ASIC2: variants seen among roughly 807,000 people sequenced by gnomAD.
The protein encoded by ASIC2 is acid sensing ion channel subunit 2, also known as acid-sensing ion channel 2.
Under a neutral mutation model 57.3 loss-of-function variants are expected in ASIC2, and 25 were observed. The ratio of observed to expected loss-of-function variants is 0.44; its 90% CI spans 0.32 to 0.61. The LOEUF (loss-of-function observed/expected upper bound fraction) is 0.61. Among genes scored for constraint, ASIC2 ranks in the 20% least tolerant of loss-of-function variants. The pLI, the probability that ASIC2 is intolerant of heterozygous loss-of-function variation, is 0.06. For synonymous variants in ASIC2, 319 were observed against 307.5 expected (o/e 1.04, Z -0.39); for missense variants, 641 against 738.1 (o/e 0.87, Z 1.52).
chr17:33,956,125 G>GA (rs896573124), intron 1 of ASIC2, among the ~76,000 whole-genome samples: 3 of 152,036 alleles, frequency 2.0e-5, no homozygotes, highest in Admixed American at 1.3e-4. Context: ...CTAATGAATT[G>GA]AAAAAAATGA....
chr17:33,990,385 G>T (rs1027125858), intron 1 of ASIC2, among the ~76,000 whole-genome samples: 1 of 152,210 alleles, frequency 6.6e-6, no homozygotes, highest in Non-Finnish European at 1.5e-5. Context: ...ATATTCATCA[G>T]GCAATTGGGA....
intron 1 of ASIC2, among the ~76,000 whole-genome samples, chr17:33,253,350 C>T (rs570157058): frequency 1.3e-5 from 2 of 152,220 alleles, no homozygotes; most frequent in Admixed American, 1.3e-4. Context: ...TGTACACAAA[C>T]ACAATCATGT....
At chr17:33,852,244 A>G (rs1913788955) in intron 1 of ASIC2, among the ~76,000 whole-genome samples, 1 of 152,260 alleles carries the variant, frequency 6.6e-6, no homozygotes, top group Non-Finnish European at 1.5e-5. Flanking sequence ...TTACCAAAGC[A>G]GTTCACTCCT....
Position 33,950,781 on chromosome 17 carries a change from G to A in ASIC2, c.555+205197C>T, listed in dbSNP as rs571545451. ...CTGGGGAATCTGCAAGGGCTGGGGTGCTGGGTGGTCCTGAAGGCAGCTCCA... is the reference window on the plus strand; with the variant it reads ...CTGGGGAATCTGCAAGGGCTGGGGTACTGGGTGGTCCTGAAGGCAGCTCCA... On this transcript the variant is annotated intron_variant, in intron 1 of 9. Coordinates refer to the ASIC2 transcript ENST00000359872. 2.0e-5 allele frequency among the ~76,000 whole-genome samples: 3 copies of A among 152,368 alleles called. No individual in the cohort carries two copies. The South Asian group carries it at 6.2e-4, about 32-fold the overall frequency.
In ASIC2 at chr17:33,464,475, C is replaced by T. The variant is rs1261875185; in HGVS notation, c.556-352408G>A. On this transcript the variant is annotated intron_variant, in intron 1 of 9. Coordinates refer to the ASIC2 transcript ENST00000359872. Reference sequence around the variant, plus strand: ...TCTTTTTCTCTTTCTTTCTTTCTTTCTTTTCTCTCTTTCTTTCTTTCTTTC... The same window carrying T: ...TCTTTTTCTCTTTCTTTCTTTCTTTTTTTTCTCTCTTTCTTTCTTTCTTTC... Among the ~76,000 whole-genome samples the T allele has an allele frequency of 2.6e-4, 19 of 73,998 alleles. No homozygotes were observed. The East Asian group carries it at 3.4e-3, about 13-fold the overall frequency. The allele number at this position is 73,998 out of a possible 152,430, so 48.5% of individuals were successfully genotyped here.
intron 1 of ASIC2, among the ~76,000 whole-genome samples, chr17:34,131,839 T>G (rs1911977360): frequency 6.6e-6 from 1 of 152,228 alleles, no homozygotes. Flanking sequence ...TCTGAGAATC[T>G]GGATCCCAGC....
At chr17:33,354,524 C>T (rs2142252942) in intron 1 of ASIC2, among the ~76,000 whole-genome samples, 1 of 152,268 alleles carries the variant, frequency 6.6e-6, no homozygotes, top group Non-Finnish European at 1.5e-5. Flanking sequence ...GTCTATTCCA[C>T]CAGCTCTCCC....
At chr17:33,172,796 C>T (rs1567772525) in intron 1 of ASIC2, among the ~76,000 whole-genome samples, 1 of 152,228 alleles carries the variant, frequency 6.6e-6, no homozygotes, top group Admixed American at 6.5e-5. Flanking sequence ...ATTCTCAGGG[C>T]TTACTCTGGT....
chr17:33,144,646 G>T (rs562604542), intron 1 of ASIC2, among the ~76,000 whole-genome samples: 137 of 152,298 alleles, frequency 9.0e-4, no homozygotes, highest in Middle Eastern at 6.8e-3. Flanking sequence ...GGTGACCGAT[G>T]CATAATTCCA....
At chr17:33,419,118 A>G (rs534296171) in intron 1 of ASIC2, among the ~76,000 whole-genome samples, 2 of 152,334 alleles carry the variant, frequency 1.3e-5, no homozygotes, top group South Asian at 4.1e-4. Context: ...AAAGAATCAG[A>G]GACATCAGAG....
chr17:33,890,545 G>A (rs7212009), intron 1 of ASIC2, among the ~76,000 whole-genome samples: 25,866 of 152,198 alleles, frequency 0.17, 2,334 homozygotes, highest in African/African-American at 0.23. Flanking sequence ...GAGGCCCAGT[G>A]AAGGACTTGT....
chr17:33,871,749 G>A (rs903986704), intron 1 of ASIC2, among the ~76,000 whole-genome samples: 2 of 152,170 alleles, frequency 1.3e-5, no homozygotes, highest in Admixed American at 6.5e-5. Context: ...CGGAAAGAGG[G>A]AGGCTGATGA....
intron 1 of ASIC2, among the ~76,000 whole-genome samples, chr17:33,240,981 C>T (rs1908484393): frequency 6.6e-6 from 1 of 152,136 alleles, no homozygotes; most frequent in East Asian, 1.9e-4. Context: ...ACAAATGAGG[C>T]ATTGGCATGT....
intron 1 of ASIC2, among the ~76,000 whole-genome samples, chr17:33,318,812 A>G (rs557781484): frequency 4.3e-4 from 66 of 152,206 alleles, no homozygotes; most frequent in African/African-American, 1.5e-3. Flanking sequence ...AGGACACAAG[A>G]AGGCCCTTTT....
chr17:34,052,419 G>A lies in ASIC2; in HGVS notation c.555+103559C>T, dbSNP rs990585776. Reference sequence around the variant, plus strand: ...GGAATCCTCCAAAAATCCCATCTCCGAAAAGACTGTTCATGGCAAGTGGGA... The same window carrying A: ...GGAATCCTCCAAAAATCCCATCTCCAAAAAGACTGTTCATGGCAAGTGGGA... On this transcript the variant is annotated intron_variant, in intron 1 of 9. Transcript: ENST00000359872. 5.9e-5 allele frequency among the ~76,000 whole-genome samples: 9 copies of A among 152,192 alleles called. No homozygotes were observed. The East Asian group carries it at 1.2e-3, about 20-fold the overall frequency.
chr17:33,267,352 A>AT (rs1051722788), intron 1 of ASIC2, among the ~76,000 whole-genome samples: 28 of 152,158 alleles, frequency 1.8e-4, no homozygotes, highest in African/African-American at 6.8e-4. Flanking sequence ...GTTCCAGTTG[A>AT]TTCACCTCTT....
chr17:34,012,082 C>T (rs960268735), intron 1 of ASIC2, among the ~76,000 whole-genome samples: 2 of 152,198 alleles, frequency 1.3e-5, no homozygotes, highest in South Asian at 2.1e-4. Flanking sequence ...ATTTGCAACA[C>T]CATCCCTGCC....
intron 1 of ASIC2, among the ~76,000 whole-genome samples, chr17:33,593,985 A>T (rs1904906897): frequency 6.6e-6 from 1 of 152,214 alleles, no homozygotes; most frequent in South Asian, 2.1e-4. Context: ...ATTATTTTCT[A>T]TTCAAATTTT....
At chr17:33,964,462 T>G (rs184301160) in intron 1 of ASIC2, among the ~76,000 whole-genome samples, 1 of 152,270 alleles carries the variant, frequency 6.6e-6, no homozygotes, top group African/African-American at 2.4e-5. Flanking sequence ...TCCCTCAGAG[T>G]CAAGGACCAT....
Sources: gnomAD v4.1 joint callset for allele counts (sites outside exome capture counted in the v4.1 genomes callset) on GRCh38, gnomAD v4.1.1 for gene constraint, MANE v1.5 for transcripts, NCBI Gene and HGNC (gene_info 2026-07-23, HGNC 2026-07-21) for gene names.